Variants in KIF4A observed in about 807,000 individuals in gnomAD.
The protein encoded by KIF4A is kinesin family member 4A.
In KIF4A, 7 loss-of-function variants were observed where a neutral mutation model predicts 105.9. That is an observed-to-expected ratio of 0.07 (90% CI 0.04 to 0.12). The LOEUF is 0.12. Ranked by LOEUF, KIF4A falls within the 10% of genes least tolerant of loss-of-function variation. The pLI is 1.00. For missense variants in KIF4A, 558 were observed against 929.2 expected (o/e 0.60, Z 5.19); for synonymous variants, 281 against 331.3 (o/e 0.85, Z 1.65).
intron 15 of KIF4A, among the ~76,000 whole-genome samples, chrX:70,369,299 C>G (rs1244497846): frequency 8.9e-6 from 1 of 112,220 alleles, no homozygotes; most frequent in Non-Finnish European, 1.9e-5. Context: ...GAACCTGGTA[C>G]CTCAGTTGGA....
intron 18 of KIF4A, among the ~76,000 whole-genome samples, chrX:70,384,824 CTCTT>C (rs761973676): frequency 2.8e-5 from 3 of 108,752 alleles, no homozygotes; most frequent in Non-Finnish European, 5.7e-5. Context: ...AGAAGAGAAT[CTCTT>C]TTTTTTTTTT....
intron 13 of KIF4A, 86 bp from the exon 14 acceptor site, chrX:70,352,514 T>TA (rs1049272626): frequency 5.4e-5 from 37 of 684,678 alleles, no homozygotes; most frequent in Non-Finnish European, 7.9e-5. Flanking sequence ...TGTATACACT[T>TA]AAAAAAAATT....
chrX:70,355,919 C>T (rs2086049299), intron 15 of KIF4A, among the ~76,000 whole-genome samples: 1 of 111,944 alleles, frequency 8.9e-6, no homozygotes, highest in Non-Finnish European at 1.9e-5. Flanking sequence ...CTTTTTCCCC[C>T]TAGGTTAGAG....
chrX:70,353,789 C>T lies in KIF4A; in HGVS notation c.1656C>T (p.Pro552=), dbSNP rs1199429. Residue 552 remains proline (P), a synonymous_variant, in exon 15 of 31, where the codon CCC becomes CCT. Coordinates refer to ENST00000374403, the MANE Select transcript of KIF4A (RefSeq NM_012310.5). The part of the protein sequence containing the change: ...KMTQNDSQLQ[P]IQYQYQDNIK... Reference sequence around the variant, plus strand: ...CTCAGAATGACAGCCAACTGCAGCCCATTCAGTACCAATACCAGGTAAACT... The same window carrying T: ...CTCAGAATGACAGCCAACTGCAGCCTATTCAGTACCAATACCAGGTAAACT... 65,202 of 1,182,801 alleles carry T rather than the reference C, an allele frequency of 0.055. 3,345 individuals are homozygous for T. The highest frequency in any genetic ancestry group is 0.35 in the African/African-American group (19,679 of 56,269).
At chrX:70,386,558 G>C in intron 18 of KIF4A, 60 bp from the exon 19 acceptor site, 33 of 837,747 alleles carry the variant, frequency 3.9e-5, no homozygotes, top group Non-Finnish European at 5.2e-5. Context: ...ACACCTTATA[G>C]TATAAGGTTT....
chrX:70,336,720 T>A (rs2085952165), intron 10 of KIF4A, among the ~76,000 whole-genome samples: 2 of 111,953 alleles, frequency 1.8e-5, no homozygotes, highest in Admixed American at 9.5e-5. Flanking sequence ...CTTTGGCCTC[T>A]TTTTAAAAAT....
chrX:70,327,233 G>A (rs923951803), intron 7 of KIF4A, among the ~76,000 whole-genome samples: 3 of 111,754 alleles, frequency 2.7e-5, no homozygotes, highest in African/African-American at 6.5e-5. Flanking sequence ...ACCCATTCCA[G>A]TTGGTAATAA....
At chrX:70,387,369 T>G in intron 20 of KIF4A, 72 bp downstream of exon 20, 1 of 785,220 alleles carries the variant, frequency 1.3e-6, no homozygotes, top group Non-Finnish European at 1.8e-6. Context: ...TAGCTTTTTT[T>G]TTTTCCTTTT....
intron 25 of KIF4A, among the ~76,000 whole-genome samples, chrX:70,405,465 G>A (rs1004593343): frequency 2.7e-5 from 3 of 111,827 alleles, no homozygotes; most frequent in Admixed American, 9.6e-5. Context: ...GAAGGGTAAA[G>A]AGAAGCATCT....
chrX:70,305,275 C>T (rs749340088), intron 7 of KIF4A, among the ~76,000 whole-genome samples: 7 of 111,372 alleles, frequency 6.3e-5, no homozygotes, highest in South Asian at 7.6e-4. Context: ...TAACCATCAC[C>T]GCAATAAATT....
At chrX:70,399,866 G>A (rs2086273861) in intron 22 of KIF4A, among the ~76,000 whole-genome samples, 1 of 95,398 alleles carries the variant, frequency 1.0e-5, no homozygotes, top group South Asian at 6.8e-4. Context: ...ATGAGTTACT[G>A]GGTGCAGCAC....
rs200745417 is a variant in KIF4A at position 70,373,750 on chromosome X, GTA to G, written c.1675-388_1675-387del. 3.5e-4 allele frequency among the ~76,000 whole-genome samples: 18 copies of G among 51,423 alleles called. 1 individual carries two copies. Among genetic ancestry groups the G allele is most frequent in the South Asian group, 1.2e-3 (1 of 802 alleles). The allele number at this position is 51,423 out of a possible 115,157, so 44.7% of individuals were successfully genotyped here. On this transcript the variant is annotated intron_variant, in intron 15 of 30. Transcript: ENST00000374403. ...TACGTATATATATACATATATACGT[GTA>G]TATATATATATACGTATATATACAC... is the stretch of plus-strand genomic sequence containing the variant.
At chrX:70,365,058 T>A (rs2086095446) in intron 15 of KIF4A, among the ~76,000 whole-genome samples, 1 of 111,803 alleles carries the variant, frequency 8.9e-6, no homozygotes, top group African/African-American at 3.2e-5. Flanking sequence ...GTTATTGGTG[T>A]ATAAGAATGC....
chrX:70,367,540 G>T (rs1006018316), intron 15 of KIF4A, among the ~76,000 whole-genome samples: 1 of 111,695 alleles, frequency 9.0e-6, no homozygotes, highest in Non-Finnish European at 1.9e-5. Context: ...GAAATTCTGG[G>T]TTGAAAATTC....
Position 70,299,191 on chromosome X carries a change from G to A in KIF4A, c.505G>A (p.Glu169Lys), listed in dbSNP as rs1410430801. Residue 169 changes from glutamate to lysine, a missense_variant, in exon 5 of 31, where the codon GAA becomes AAA. Glu to Lys is a moderately conservative substitution (Grantham distance 56, BLOSUM62 1). Coordinates refer to ENST00000374403, the MANE Select transcript of KIF4A (RefSeq NM_012310.5). ...AQINIREDPK[E>K]GIKIVGLTEK... ...AATAAATATACGAGAGGATCCTAAG[G>A]AAGGCATAAAGGTGTGTTTGTCTCT... 8.3e-7 allele frequency: 1 copy of A among 1,204,142 alleles called. No homozygotes were observed. The highest frequency in any genetic ancestry group is 2.2e-5 in the Admixed American group (1 of 45,348).
chrX:70,362,090 G>A, intron 15 of KIF4A: 1 of 162,848 alleles, frequency 6.1e-6, no homozygotes. Flanking sequence ...ACTGCTCTTG[G>A]AACGTCTTTG....
Position 70,415,934 on chromosome X carries a change from C to A in KIF4A, c.3256-1954C>A, listed in dbSNP as rs376381432. Among the ~76,000 whole-genome samples the A allele has an allele frequency of 1.8e-4, 16 of 88,892 alleles. No homozygotes were observed. The East Asian group carries it at 5.2e-3, about 29-fold the overall frequency. The allele number at this position is 88,892 out of a possible 115,157, so 77.2% of individuals were successfully genotyped here. A position where few individuals can be genotyped will look rare whatever the true frequency, so the allele number is the denominator to read the frequency against. ...CCAGGCTGGAGTGCAATGGCATGAT[C>A]TTGGCTCACTGCAACCTCCGCCTCC... On this transcript the variant is annotated intron_variant, in intron 28 of 30. Transcript: ENST00000374403.
intron 9 of KIF4A, among the ~76,000 whole-genome samples, chrX:70,331,338 G>A (rs1449494476): frequency 9.0e-6 from 1 of 111,165 alleles, no homozygotes. Context: ...AAGAGTACAG[G>A]CTTACCTTAG....
chrX:70,360,151 A>G (rs759386436), intron 15 of KIF4A, among the ~76,000 whole-genome samples: 1 of 111,880 alleles, frequency 8.9e-6, no homozygotes, highest in South Asian at 3.8e-4. Flanking sequence ...GGCCTGGGGC[A>G]CGCGGTTTTC....
Sources: allele counts gnomAD v4.1 joint callset (sites outside exome capture counted in the v4.1 genomes callset), GRCh38; gene constraint gnomAD v4.1.1; transcripts MANE v1.5; gene names NCBI Gene and HGNC (gene_info 2026-07-23, HGNC 2026-07-21).